Variants in CEP131 observed in about 807,000 individuals in gnomAD.
CEP131 encodes the protein centrosomal protein 131.
A neutral mutation model predicts 136.8 loss-of-function variants in CEP131; 99 were observed. The observed-to-expected ratio is 0.72, with a 90% CI of 0.62 to 0.86. CEP131 has a LOEUF of 0.86. CEP131 is among the 40% of genes least tolerant of loss of function. The pLI, the probability that CEP131 is intolerant of heterozygous loss-of-function variation, is 0.00. For synonymous variants in CEP131, 646 were observed against 612.7 expected (o/e 1.05, Z -0.80); for missense variants, 1,459 against 1,463.0 (o/e 1.00, Z 0.04).
intron 2 of CEP131, among the ~76,000 whole-genome samples, chr17:81,217,110 G>T (rs148128385): frequency 6.6e-6 from 1 of 152,168 alleles, no homozygotes; most frequent in South Asian, 2.1e-4. Context: ...TGTGCTCTTG[G>T]GATTTAAAGA....
intron 13 of CEP131, chr17:81,197,344 T>G: frequency 1.8e-6 from 1 of 541,716 alleles, no homozygotes; most frequent in Non-Finnish European, 3.2e-6. Flanking sequence ...ACTGCTCCAT[T>G]TAGCCTGGCC....
At chr17:81,191,150 G>C (rs79050108) in intron 22 of CEP131, 43 bp downstream of exon 22, 98,912 of 1,608,022 alleles carry the variant, frequency 0.062, 4,021 homozygotes, top group African/African-American at 0.16. Flanking sequence ...GCCTCAGCTC[G>C]TGGGCCTCCC....
chr17:81,217,143 G>C (rs575737666), intron 2 of CEP131, among the ~76,000 whole-genome samples: 1 of 152,296 alleles, frequency 6.6e-6, no homozygotes, highest in East Asian at 1.9e-4. Context: ...AAGGGGAAGG[G>C]AACCAGAGTG....
rs746435622 is a variant in CEP131, at chr17:81,192,589, G to A, written c.2434C>T (p.Arg812Trp). 5.4e-5 allele frequency: 87 copies of A among 1,605,622 alleles called. No individual in the cohort carries two copies. The highest frequency in any genetic ancestry group is 5.9e-5 in the Non-Finnish European group (70 of 1,179,244). The change falls in exon 20 of 26, where the codon CGG (arginine) becomes TGG (tryptophan). Residue 812 changes from arginine to tryptophan, a missense_variant. Physicochemically the swap from Arg to Trp is moderately radical, Grantham distance 101 (BLOSUM62 -3). Coordinates refer to ENST00000450824, the MANE Select transcript of CEP131 (RefSeq NM_014984.4). ...TGCCTCAGCTCTTCCAGCTCCGCCCGCTGCCTGCGGCCAGGGAGGAGTCAG... is the reference window on the plus strand; with the variant it reads ...TGCCTCAGCTCTTCCAGCTCCGCCCACTGCCTGCGGCCAGGGAGGAGTCAG... ...ERLGQQAARQRAELEELRQQL... is the reference protein window; with the variant it reads ...ERLGQQAARQWAELEELRQQL...
chr17:81,192,673 C>A, intron 19 of CEP131, 63 bp downstream of exon 19: 1 of 203,360 alleles, frequency 4.9e-6, no homozygotes, highest in Non-Finnish European at 8.8e-6. Context: ...GGTGAGGGGG[C>A]GGGGGGGAGG....
intron 10 of CEP131, 49 bp from the exon 11 acceptor site, chr17:81,199,020 G>A (rs1423244140): frequency 6.9e-7 from 1 of 1,449,328 alleles, no homozygotes; most frequent in Admixed American, 2.6e-5. Context: ...CCCGGGGCGG[G>A]CAGCAACTCT....
chr17:81,199,676 C>T (rs747884742), intron 9 of CEP131, 43 bp downstream of exon 9: 2 of 1,603,156 alleles, frequency 1.2e-6, no homozygotes, highest in East Asian at 2.2e-5. Flanking sequence ...CACGGTCAGG[C>T]CTGGGCCACG....
At chr17:81,216,192 G>A (rs917281322) in intron 2 of CEP131, among the ~76,000 whole-genome samples, 6 of 151,870 alleles carry the variant, frequency 4.0e-5, no homozygotes, top group East Asian at 1.9e-4. Context: ...AAACCCCGTC[G>A]CTACTAAAAA....
intron 2 of CEP131, among the ~76,000 whole-genome samples, chr17:81,218,946 G>A (rs1219383314): frequency 6.6e-6 from 1 of 152,252 alleles, no homozygotes; most frequent in African/African-American, 2.4e-5. Context: ...CCCCAGACCG[G>A]CTGCCGCATG....
In CEP131 at chr17:81,208,160, TC is replaced by T. The variant is rs1252014212; in HGVS notation, c.272+767del. ...CACACACACCAGCTGGCCTTGGCAGTCCCTTGCTTGGTGGGACTCCACGAAG... is the reference window on the plus strand; with the variant it reads ...CACACACACCAGCTGGCCTTGGCAGTCCTTGCTTGGTGGGACTCCACGAAG... On this transcript the variant is annotated intron_variant, in intron 3 of 25. Transcript: ENST00000450824. The surrounding 1 kb of genome is among the most constrained non-coding windows in gnomAD (Gnocchi z 5.6). Among the ~76,000 whole-genome samples the T allele has an allele frequency of 2.7e-5, 4 of 150,126 alleles. No homozygotes were observed. The highest frequency in any genetic ancestry group is 9.8e-5 in the African/African-American group (4 of 40,754).
chr17:81,201,666 G>A (rs963266153), intron 7 of CEP131, among the ~76,000 whole-genome samples: 7 of 152,120 alleles, frequency 4.6e-5, no homozygotes, highest in Admixed American at 4.6e-4. Flanking sequence ...TCAGCACAGT[G>A]CAGTTCTGGA....
intron 12 of CEP131, 26 bp from the exon 13 acceptor site, chr17:81,197,914 G>T: frequency 6.3e-7 from 1 of 1,599,986 alleles, no homozygotes. Context: ...CCAGCATCGG[G>T]GGCTGTCAGG....
Position 81,208,858 on chromosome 17 carries a change from G to C in CEP131, c.272+70C>G. 1 of 1,210,432 alleles carries C rather than the reference G, an allele frequency of 8.3e-7. No individual in the cohort carries two copies. The highest frequency in any genetic ancestry group is 1.3e-5 in the South Asian group (1 of 79,404). 75.0% of individuals were successfully genotyped at this position (1,210,432 alleles called of 1,614,324 possible). A position where few individuals can be genotyped will look rare whatever the true frequency, so the allele number is the denominator to read the frequency against. On this transcript the variant is annotated intron_variant, in intron 3 of 25. Coordinates refer to ENST00000450824, the MANE Select transcript of CEP131 (RefSeq NM_014984.4). This position sits in a 1 kb window ranked among gnomAD's most constrained non-coding sequence, Gnocchi z 5.6. ...GGAAGGGCAGAGCAGAGGCAGGGAG[G>C]AGCAGGCCAGGGTGGGGCACCTGAG...
chr17:81,196,799 G>C lies in CEP131; in HGVS notation c.1801C>G (p.Arg601Gly), dbSNP rs745424194. The C allele has an allele frequency of 5.7e-6, 9 of 1,590,298 alleles. No homozygotes were observed. In the East Asian group the frequency reaches 2.1e-4, roughly 36 times the overall value. The change falls in exon 15 of 26, where the codon CGG (arginine) becomes GGG (glycine). Residue 601 changes from arginine (R) to glycine (G), a missense_variant. Arg to Gly is a moderately radical substitution (Grantham distance 125, BLOSUM62 -2). Transcript: ENST00000450824. The part of the protein sequence containing the change: ...LAQQRDLTAR[R>G]VKETEKALSR... ...AGCGCCTTCTCTGTCTCCTTGACCC[G>C]CCGGGCCGTGAGGTCTCGCTGCTGC...
intron 2 of CEP131, among the ~76,000 whole-genome samples, chr17:81,216,932 C>G (rs567282589): frequency 1.3e-5 from 2 of 152,170 alleles, no homozygotes; most frequent in Non-Finnish European, 2.9e-5. Flanking sequence ...CACTCACTGA[C>G]GGACACCACG....
chr17:81,191,024 C>T lies in CEP131; in HGVS notation c.2826G>A (p.Arg942=). ...GCTCCGAGCACCGCTCCTGAAGCTT[C>T]CGCTCCGACTGCTCCAGCTCGGAGA... ...AELSELEQSE[R]KLQERCSELK... Residue 942 remains arginine, a synonymous_variant, in exon 23 of 26, where the codon CGG becomes CGA. Transcript: ENST00000450824. 6.2e-7 allele frequency: 1 copy of T among 1,610,634 alleles called. No homozygotes were observed. Among genetic ancestry groups the T allele is most frequent in the Non-Finnish European group, 8.5e-7 (1 of 1,179,854 alleles).
At chr17:81,205,948 A>G (rs2659033) in intron 5 of CEP131, among the ~76,000 whole-genome samples, 140,737 of 152,188 alleles carry the variant, frequency 0.92, 65,277 homozygotes, top group Non-Finnish European at 0.96. Context: ...GCTCACGCCT[A>G]TAATCCCAGC....
At position 81,198,085 on chromosome 17, in the gene CEP131, C is replaced by T. The variant is rs1432799811; in HGVS notation, c.1470+30G>A. On this transcript the variant is annotated intron_variant, in intron 12 of 25. Coordinates refer to ENST00000450824, the MANE Select transcript of CEP131 (RefSeq NM_014984.4). The stretch of plus-strand genomic sequence containing the variant: ...TGTGTGAATGGCGTGGGTGGACAGA[C>T]TGTGCAGGGCGGGCGCACACCGTGG... 7.9e-6 allele frequency: 12 copies of T among 1,526,312 alleles called. No homozygotes were observed. In the Middle Eastern group the frequency reaches 6.6e-4, roughly 84 times the overall value. 94.5% of individuals were successfully genotyped at this position (1,526,312 alleles called of 1,614,324 possible). A position where few individuals can be genotyped will look rare whatever the true frequency, so the allele number is the denominator to read the frequency against.
rs760427864 is a variant in CEP131 at position 81,195,880 on chromosome 17, C to G, written c.1971G>C (p.Gln657His). 1.2e-6 allele frequency: 2 copies of G among 1,608,934 alleles called. No individual in the cohort carries two copies. The highest frequency in any genetic ancestry group is 1.7e-6 in the Non-Finnish European group (2 of 1,179,932). Residue 657 changes from glutamine (Q) to histidine (H), a missense_variant, in exon 16 of 26, where the codon CAG (glutamine) becomes CAC (histidine). Physicochemically the swap from Gln to His is conservative, Grantham distance 24 (BLOSUM62 0). Transcript: ENST00000450824. ...AVVAELKQED[Q>H]RCTERVAQAQ... is the part of the protein sequence containing the mutation. Reference sequence around the variant, plus strand: ...CCTGGGCCACACGCTCGGTGCATCTCTGGTCCTCCTGCTTCAGCTCGGCCA... The same window carrying G: ...CCTGGGCCACACGCTCGGTGCATCTGTGGTCCTCCTGCTTCAGCTCGGCCA...
Sources: allele counts gnomAD v4.1 joint callset (sites outside exome capture counted in the v4.1 genomes callset), GRCh38; gene constraint gnomAD v4.1.1; non-coding constraint Gnocchi (gnomAD v3.1); transcripts MANE v1.5; gene names NCBI Gene and HGNC (gene_info 2026-07-23, HGNC 2026-07-21).